CCDC141: variants seen among roughly 807,000 people sequenced by gnomAD.
The protein encoded by CCDC141 is coiled-coil domain-containing protein 141.
A neutral mutation model predicts 181.0 loss-of-function variants in CCDC141; 168 were observed. The observed-to-expected ratio is 0.93, with a 90% confidence interval of 0.82 to 1.05. The LOEUF is 1.05. Ranked by LOEUF, CCDC141 falls within the 50% of genes least tolerant of loss-of-function variation. CCDC141 has a pLI of 0.00. For missense variants in CCDC141, 1,902 were observed against 1,788.5 expected, an observed-to-expected ratio of 1.06 and a Z score of -1.14; for synonymous variants, 666 against 642.3, an observed-to-expected ratio of 1.04 and a Z score of -0.56.
chr2:178,950,577 T>G (rs1023175334), intron 5 of CCDC141, among the ~76,000 whole-genome samples: 24 of 152,204 alleles, frequency 1.6e-4, no homozygotes, highest in African/African-American at 5.8e-4. Context: ...GGGTTTCCAT[T>G]TTTAGACGTA....
chr2:178,838,760 T>A (rs12476203), intron 22 of CCDC141, among the ~76,000 whole-genome samples: 11,269 of 152,274 alleles, frequency 0.074, 601 homozygotes, highest in Admixed American at 0.16. Context: ...GCCACTTGTC[T>A]CTGCTCCAAT....
intron 2 of CCDC141, among the ~76,000 whole-genome samples, chr2:179,027,117 T>C (rs2042869868): frequency 1.3e-5 from 2 of 152,152 alleles, no homozygotes; most frequent in African/African-American, 4.8e-5. Flanking sequence ...TGGGGGACTG[T>C]TGGGAAGGCA....
rs2043393930 is a variant in CCDC141 at position 179,043,833 on chromosome 2, A to G, written c.225+3451T>C. On this transcript the variant is annotated intron_variant, in intron 2 of 23. Coordinates refer to ENST00000443758, the MANE Select transcript of CCDC141 (RefSeq NM_173648.4). ...CAGGGCAATCAGGCAAGAGAAACAA[A>G]TGAATAGGAAGAGAGGAAGTAAAAC... Among the ~76,000 whole-genome samples, 3 of 152,322 alleles carry G rather than the reference A, an allele frequency of 2.0e-5. No individual in the cohort carries two copies. The South Asian group carries it at 6.2e-4, about 32-fold the overall frequency.
intron 7 of CCDC141, among the ~76,000 whole-genome samples, chr2:178,912,925 C>G (rs762344581): frequency 3.3e-5 from 5 of 152,182 alleles, no homozygotes; most frequent in Non-Finnish European, 7.3e-5. Flanking sequence ...TCTCAGTGAT[C>G]ACCTCCTCTG....
chr2:178,917,593 T>C (rs1282321428), intron 7 of CCDC141, among the ~76,000 whole-genome samples: 5 of 152,206 alleles, frequency 3.3e-5, no homozygotes, highest in Non-Finnish European at 5.9e-5. Context: ...TTTGAAAACA[T>C]CAGTGAAATT....
At chr2:178,992,385 A>G (rs530875204) in intron 2 of CCDC141, among the ~76,000 whole-genome samples, 12 of 149,742 alleles carry the variant, frequency 8.0e-5, no homozygotes, top group Admixed American at 2.6e-4. Flanking sequence ...AAAGGAAAAA[A>G]AAAACACATG....
At chr2:178,945,069 C>A (rs1689673293) in intron 5 of CCDC141, among the ~76,000 whole-genome samples, 1 of 152,132 alleles carries the variant, frequency 6.6e-6, no homozygotes, top group African/African-American at 2.4e-5. Flanking sequence ...ATTATATTTT[C>A]TGCCATAAAA....
At chr2:178,979,107 G>A (rs766972979) in intron 2 of CCDC141, among the ~76,000 whole-genome samples, 9 of 152,134 alleles carry the variant, frequency 5.9e-5, no homozygotes, top group South Asian at 2.1e-4. Flanking sequence ...TAATATGACC[G>A]TGACGATTAA....
intron 2 of CCDC141, among the ~76,000 whole-genome samples, chr2:178,985,593 G>C (rs1040986553): frequency 6.6e-6 from 1 of 151,722 alleles, no homozygotes; most frequent in South Asian, 2.1e-4. Flanking sequence ...GAAAAAAACA[G>C]AGAAGAATCA....
At chr2:178,975,431 C>A (rs1691077956) in intron 3 of CCDC141, among the ~76,000 whole-genome samples, 1 of 152,042 alleles carries the variant, frequency 6.6e-6, no homozygotes, top group Non-Finnish European at 1.5e-5. Context: ...CTGAAATAAA[C>A]CAACCTGTTT....
intron 2 of CCDC141, chr2:179,002,220 G>T: frequency 7.9e-6 from 2 of 252,456 alleles, no homozygotes; most frequent in South Asian, 9.4e-5. Context: ...TGGTAGGAAT[G>T]ACAAACAAGG....
intron 17 of CCDC141, among the ~76,000 whole-genome samples, chr2:178,862,451 G>A (rs1473075691): frequency 6.6e-6 from 1 of 152,170 alleles, no homozygotes; most frequent in Non-Finnish European, 1.5e-5. Flanking sequence ...AAGCATGCTT[G>A]ATATTTACTT....
intron 14 of CCDC141, among the ~76,000 whole-genome samples, chr2:178,870,012 A>G (rs1465339653): frequency 6.6e-6 from 1 of 152,146 alleles, no homozygotes; most frequent in Non-Finnish European, 1.5e-5. Context: ...AGGGTGGACC[A>G]CCTGAAGGCA....
intron 5 of CCDC141, among the ~76,000 whole-genome samples, chr2:178,957,129 TCCCA>T (rs1690195065): frequency 6.6e-6 from 1 of 152,124 alleles, no homozygotes; most frequent in Non-Finnish European, 1.5e-5. Flanking sequence ...TGCCTCGGCC[TCCCA>T]AAGTGCTGGG....
rs78102158 is a variant in CCDC141, at chr2:178,948,337, G to A, written c.781-3686C>T. 3.9e-5 allele frequency among the ~76,000 whole-genome samples: 6 copies of A among 152,036 alleles called. No homozygotes were observed. In the East Asian group the frequency reaches 9.6e-4, roughly 24 times the overall value. The stretch of plus-strand genomic sequence containing the variant: ...TTTAATTTTTTACTTTTAAAATGTG[G>A]CTACTAGAAAATTTAAAATCACATC... On this transcript the variant is annotated intron_variant, in intron 5 of 23. Transcript: ENST00000443758.
intron 8 of CCDC141, among the ~76,000 whole-genome samples, chr2:178,904,836 G>T (rs2154372909): frequency 6.6e-6 from 1 of 152,238 alleles, no homozygotes; most frequent in Non-Finnish European, 1.5e-5. Context: ...ATGGGGTCTG[G>T]TGCCCATGCT....
chr2:178,948,171 A>C (rs532691821), intron 5 of CCDC141, among the ~76,000 whole-genome samples: 3 of 152,066 alleles, frequency 2.0e-5, no homozygotes, highest in African/African-American at 7.2e-5. Context: ...ACTGCACTCC[A>C]GCTTGGGCAA....
chr2:178,925,359 C>G (rs1345817250), intron 6 of CCDC141, among the ~76,000 whole-genome samples: 1 of 152,202 alleles, frequency 6.6e-6, no homozygotes, highest in African/African-American at 2.4e-5. Flanking sequence ...ACTGAGTGGA[C>G]CCACTAAGCA....
chr2:178,918,994 C>T, intron 6 of CCDC141, 87 bp from the exon 7 acceptor site: 2 of 1,207,036 alleles, frequency 1.7e-6, no homozygotes, highest in Non-Finnish European at 2.3e-6. Context: ...CTGCTGAAAT[C>T]TAACCCCCAA....
Sources: allele counts gnomAD v4.1 joint callset (sites outside exome capture counted in the v4.1 genomes callset), GRCh38; gene constraint gnomAD v4.1.1; transcripts MANE v1.5; gene names NCBI Gene and HGNC (gene_info 2026-07-23, HGNC 2026-07-21).